The following KHDC1 variants were observed in gnomAD, a reference collection of about 807,000 sequenced individuals.
The protein encoded by KHDC1 is KH domain containing 1, also known as KH homology domain-containing protein 1.
KHDC1 carries 21 observed loss-of-function variants against 24.7 expected under a neutral mutation model. The ratio of observed to expected loss-of-function variants is 0.85; its 90% CI spans 0.60 to 1.23. The LOEUF (loss-of-function observed/expected upper bound fraction) is 1.23, where lower values mean the gene tolerates loss of function less well. Ranked by LOEUF, KHDC1 falls within the 50% of genes most tolerant of loss-of-function variation. The pLI is 0.00. For missense variants in KHDC1, 274 were observed against 298.5 expected, an observed-to-expected ratio of 0.92 and a Z score of 0.61; for synonymous variants, 98 against 111.7, an observed-to-expected ratio of 0.88 and a Z score of 0.77.
intron 2 of KHDC1, among the ~76,000 whole-genome samples, chr6:73,265,320 G>T (rs4708041): frequency 6.6e-6 from 1 of 151,624 alleles, no homozygotes; most frequent in Non-Finnish European, 1.5e-5. Context: ...GCCTGAGGTC[G>T]GGAGTTTAAG....
intron 2 of KHDC1, among the ~76,000 whole-genome samples, chr6:73,243,373 CCAAAGA>C (rs1766610780): frequency 6.6e-6 from 1 of 152,128 alleles, no homozygotes; most frequent in African/African-American, 2.4e-5. Context: ...CAACTTTTGA[CCAAAGA>C]CAAAGTCAGC....
At chr6:73,307,185 C>T (rs1273239886) in intron 1 of KHDC1, among the ~76,000 whole-genome samples, 1 of 151,988 alleles carries the variant, frequency 6.6e-6, no homozygotes, top group Non-Finnish European at 1.5e-5. Flanking sequence ...AATCCCAGCA[C>T]CCAGGAGGCT....
chr6:73,282,018 G>T (rs193150447), intron 2 of KHDC1, among the ~76,000 whole-genome samples: 87 of 152,058 alleles, frequency 5.7e-4, no homozygotes, highest in Middle Eastern at 3.4e-3. Context: ...GGGAGTTTGA[G>T]ACCAGCCTGG....
At position 73,272,005 on chromosome 6, in the gene KHDC1, TA is replaced by T. The variant is rs77110116; in HGVS notation, c.206+19992del. ...CAACTCTTTATAGTGTAATCCCATT[TA>T]AAAAAAAAGGTTACAAATTGTGCTT... On this transcript the variant is annotated intron_variant, in intron 2 of 4. Transcript: ENST00000370384. Among the ~76,000 whole-genome samples, 3 of 149,592 alleles carry T rather than the reference TA, an allele frequency of 2.0e-5. No homozygotes were observed. In the East Asian group the frequency reaches 6.0e-4, roughly 30 times the overall value.
chr6:73,274,538 C>A (rs1441667431), intron 2 of KHDC1: 1 of 152,172 alleles, frequency 6.6e-6, no homozygotes, highest in African/African-American at 2.4e-5. Flanking sequence ...CAGTTTCCCC[C>A]ATGCTGTTCT....
At chr6:73,276,195 A>T (rs1341472109) in intron 2 of KHDC1, 1 of 151,364 alleles carries the variant, frequency 6.6e-6, no homozygotes, top group Non-Finnish European at 1.5e-5. Flanking sequence ...ATTCTGTCTA[A>T]AAAAAAAGAG....
chr6:73,256,130 G>T (rs1030971088), intron 2 of KHDC1, among the ~76,000 whole-genome samples: 1 of 152,080 alleles, frequency 6.6e-6, no homozygotes, highest in Non-Finnish European at 1.5e-5. Context: ...TAGTAATTTC[G>T]AATGTGCTTC....
intron 1 of KHDC1, among the ~76,000 whole-genome samples, chr6:73,295,617 G>A (rs376425154): frequency 1.3e-5 from 2 of 152,170 alleles, no homozygotes; most frequent in Non-Finnish European, 2.9e-5. Flanking sequence ...AGGCCAAGGC[G>A]GGCGGATTAC....
intron 2 of KHDC1, among the ~76,000 whole-genome samples, chr6:73,273,005 C>T (rs190574788): frequency 0.012 from 1,856 of 150,370 alleles, 28 homozygotes; most frequent in African/African-American, 0.041. Flanking sequence ...ATTATAGGCA[C>T]GTGCCACCAC....
intron 2 of KHDC1, among the ~76,000 whole-genome samples, chr6:73,288,219 G>A (rs1767557781): frequency 6.6e-6 from 1 of 152,370 alleles, no homozygotes; most frequent in South Asian, 2.1e-4. Flanking sequence ...TGTGCCAGGT[G>A]TGGTGTTTTT....
chr6:73,271,788 G>C (rs763153680), intron 2 of KHDC1, among the ~76,000 whole-genome samples: 6 of 151,602 alleles, frequency 4.0e-5, no homozygotes, highest in Non-Finnish European at 8.8e-5. Context: ...CAGCTACTAG[G>C]GGGTGCTGAG....
chr6:73,248,523 GA>G (rs1242194804), intron 2 of KHDC1, among the ~76,000 whole-genome samples: 1 of 152,106 alleles, frequency 6.6e-6, no homozygotes, highest in East Asian at 1.9e-4. Flanking sequence ...GAAGTAAACA[GA>G]AAGATTTCTT....
intron 2 of KHDC1, chr6:73,269,595 A>T (rs1446912166): frequency 1.3e-5 from 2 of 151,978 alleles, no homozygotes; most frequent in East Asian, 1.9e-4. Flanking sequence ...TCCTTATTCC[A>T]TGACTATAAA....
chr6:73,305,670 T>A (rs1347969196), intron 1 of KHDC1, among the ~76,000 whole-genome samples: 20 of 152,302 alleles, frequency 1.3e-4, no homozygotes, highest in Admixed American at 6.5e-4. Flanking sequence ...TAATTATTAT[T>A]ATTTTTTGAG....
At chr6:73,278,178 ATTTTTTT>A (rs34114549) in intron 2 of KHDC1, among the ~76,000 whole-genome samples, 1 of 131,494 alleles carries the variant, frequency 7.6e-6, no homozygotes, top group African/African-American at 2.9e-5. Context: ...CGCCTGGCCA[ATTTTTTT>A]TTTTTTTTTT....
intron 1 of KHDC1, among the ~76,000 whole-genome samples, chr6:73,296,158 AAC>A (rs919002895): frequency 6.9e-6 from 1 of 145,152 alleles, no homozygotes; most frequent in African/African-American, 2.6e-5. Context: ...CTAAAAAGAA[AAC>A]ACACACACAC....
intron 2 of KHDC1, among the ~76,000 whole-genome samples, chr6:73,261,577 C>G (rs1318733306): frequency 1.3e-5 from 2 of 151,686 alleles, no homozygotes; most frequent in East Asian, 3.9e-4. Context: ...TGAGACCCGC[C>G]TGGGCAATAT....
At chr6:73,259,999 C>G (rs10943084) in intron 2 of KHDC1, among the ~76,000 whole-genome samples, 1 of 152,004 alleles carries the variant, frequency 6.6e-6, no homozygotes, top group Non-Finnish European at 1.5e-5. Flanking sequence ...ATCTAAGATG[C>G]CAATTTCTTT....
At chr6:73,264,605 AG>A (rs1334245787) in intron 2 of KHDC1, among the ~76,000 whole-genome samples, 1 of 152,216 alleles carries the variant, frequency 6.6e-6, no homozygotes, top group East Asian at 1.9e-4. Flanking sequence ...ACTGATGGAC[AG>A]GAATAGGTAG....
Sources: gnomAD v4.1 joint callset for allele counts (sites outside exome capture counted in the v4.1 genomes callset) on GRCh38, gnomAD v4.1.1 for gene constraint, MANE v1.5 for transcripts, NCBI Gene and HGNC (gene_info 2026-07-23, HGNC 2026-07-21) for gene names.